C8A: variants seen among roughly 807,000 people sequenced by gnomAD.
The protein encoded by C8A is complement component C8 alpha chain.
Under a neutral mutation model 65.3 loss-of-function variants are expected in C8A, and 67 were observed. The ratio of observed to expected loss-of-function variants is 1.03; its 90% CI spans 0.84 to 1.26. C8A has a LOEUF of 1.26. Among genes scored for constraint, C8A ranks in the 50% most tolerant of loss-of-function variants. C8A has a pLI of 0.00. For synonymous variants in C8A, 290 were observed against 259.4 expected (o/e 1.12, Z -1.13); for missense variants, 781 against 723.9 (o/e 1.08, Z -0.90).
At chr1:56,894,429 T>C (rs893330360) in intron 7 of C8A, among the ~76,000 whole-genome samples, 16 of 152,176 alleles carry the variant, frequency 1.1e-4, no homozygotes, top group African/African-American at 3.9e-4. Flanking sequence ...TTAACAACTC[T>C]GCTCAAATCA....
Position 56,857,794 on chromosome 1 carries a change from T to C in C8A, c.77+2816T>C, listed in dbSNP as rs537808164. On this transcript the variant is annotated intron_variant, in intron 1 of 10. Transcript: ENST00000361249. ...TCTGTGGGTTATAGTTTTCATCAAA[T>C]TTGAAAATTTTTGCCATGATTCATT... Among the ~76,000 whole-genome samples the C allele has an allele frequency of 3.9e-5, 6 of 152,128 alleles. 1 individual carries two copies. The South Asian group carries it at 1.2e-3, about 32-fold the overall frequency.
intron 10 of C8A, 24 bp from the exon 11 acceptor site, chr1:56,917,541 C>G (rs769264846): frequency 6.2e-7 from 1 of 1,613,870 alleles, no homozygotes; most frequent in African/African-American, 1.3e-5. Context: ...TAACCTTCTC[C>G]TCCCTGGGAA....
rs76498303 is a variant in C8A, at chr1:56,901,288, T to A, written c.1097-5379T>A. Among the ~76,000 whole-genome samples, 411 of 152,230 alleles carry A rather than the reference T, an allele frequency of 2.7e-3. 4 individuals carry two copies. Among genetic ancestry groups the A allele is most frequent in the African/African-American group, 9.6e-3 (397 of 41,550 alleles). On this transcript the variant is annotated intron_variant, in intron 7 of 10. Coordinates refer to ENST00000361249, the MANE Select transcript of C8A (RefSeq NM_000562.3). The stretch of plus-strand genomic sequence containing the variant: ...ATCACAGCAACATGAATGGTATTTG[T>A]TTTTTGCAAAGAGATAATGAACTAC...
Position 56,854,893 on chromosome 1 carries a change from C to T in C8A, c.-9C>T. 3.1e-6 allele frequency: 5 copies of T among 1,612,736 alleles called. No homozygotes were observed. The highest frequency in any genetic ancestry group is 4.2e-6 in the Non-Finnish European group (5 of 1,179,334). On this transcript the variant is annotated 5_prime_UTR_variant, in exon 1 of 11. Coordinates refer to ENST00000361249, the MANE Select transcript of C8A (RefSeq NM_000562.3). The stretch of plus-strand genomic sequence containing the variant: ...TCAAGGTAATATAGTGCGGTGGCTT[C>T]TGGCTGAGATGTTTGCTGTTGTTTT...
In C8A at chr1:56,906,489, AT is replaced by A. The variant is rs570693776; in HGVS notation, c.1097-174del. Among the ~76,000 whole-genome samples, 913 of 152,330 alleles carry A rather than the reference AT, an allele frequency of 6.0e-3. 5 individuals carry two copies. Among genetic ancestry groups the A allele is most frequent in the Non-Finnish European group, 9.7e-3 (660 of 68,022 alleles). On this transcript the variant is annotated intron_variant, in intron 7 of 10. Transcript: ENST00000361249. ...CATATCTCTTCTCATTTCAAGAATT[AT>A]TTTGGTTGGAACCATGCAGAAGAGA... is the stretch of plus-strand genomic sequence containing the variant.
At chr1:56,866,200 T>C (rs1449106295) in intron 1 of C8A, among the ~76,000 whole-genome samples, 1 of 152,174 alleles carries the variant, frequency 6.6e-6, no homozygotes, top group Non-Finnish European at 1.5e-5. Context: ...TAGCAACAGA[T>C]TGGATGAAGA....
intron 8 of C8A, among the ~76,000 whole-genome samples, chr1:56,907,485 G>A (rs924850128): frequency 4.6e-5 from 7 of 152,162 alleles, no homozygotes; most frequent in Non-Finnish European, 5.9e-5. Context: ...AACCTTTGTA[G>A]ACAACTCACC....
chr1:56,888,586 A>C (rs1415221919), intron 7 of C8A, among the ~76,000 whole-genome samples: 1 of 152,236 alleles, frequency 6.6e-6, no homozygotes, highest in Non-Finnish European at 1.5e-5. Flanking sequence ...TTATTACTTC[A>C]ATAAATCTTT....
At chr1:56,891,362 A>C (rs565627109) in intron 7 of C8A, among the ~76,000 whole-genome samples, 61 of 152,264 alleles carry the variant, frequency 4.0e-4, no homozygotes, top group African/African-American at 1.3e-3. Flanking sequence ...AGAAGCCAAG[A>C]GGTGTCAGAG....
intron 1 of C8A, among the ~76,000 whole-genome samples, chr1:56,865,942 A>C (rs1441345833): frequency 6.6e-6 from 1 of 152,240 alleles, no homozygotes; most frequent in African/African-American, 2.4e-5. Context: ...GTATATGGGC[A>C]CAAGATCCAT....
rs143256214 is a variant in C8A, at chr1:56,912,446, C to G, written c.1424C>G (p.Pro475Arg). 4.7e-4 allele frequency: 759 copies of G among 1,614,216 alleles called. 5 individuals are homozygous for G. In the African/African-American group the frequency reaches 8.5e-3, roughly 18 times the overall value. The change falls in exon 10 of 11, where the codon CCT (proline) becomes CGT (arginine). Residue 475 changes from proline to arginine, a missense_variant. By Grantham distance (103) the Pro-to-Arg change is moderately radical. Transcript: ENST00000361249. Reference protein sequence around the residue: ...HEVLRHTSLGPLEAKRQNLRR... With the variant: ...HEVLRHTSLGRLEAKRQNLRR... ...GTGCTGCGGCACACAAGCCTGGGGC[C>G]TCTGGAGGCCAAGCGCCAGAACCTG...
chr1:56,855,162 C>T (rs1643961323), intron 1 of C8A, among the ~76,000 whole-genome samples, 184 bp downstream of exon 1: 2 of 152,162 alleles, frequency 1.3e-5, no homozygotes, highest in South Asian at 2.1e-4. Context: ...TCAAATTGGT[C>T]TATGTGTAAA....
rs778721067 is a variant in C8A, at chr1:56,867,655, A to C, written c.124A>C (p.Ser42Arg). 1 of 1,613,970 alleles carries C rather than the reference A, an allele frequency of 6.2e-7. No homozygotes were observed. The highest frequency in any genetic ancestry group is 1.7e-5 in the Admixed American group (1 of 59,956). ...ACCCGCAGCAGTTACCTGCCAGCTG[A>C]GCAACTGGTCAGAGTGGACAGATTG... ...ATPAAVTCQLSNWSEWTDCFP... is the reference protein window; with the variant it reads ...ATPAAVTCQLRNWSEWTDCFP... The change falls in exon 2 of 11, where the codon AGC (serine) becomes CGC (arginine). Residue 42 changes from serine (S) to arginine (R), a missense_variant. Coordinates refer to ENST00000361249, the MANE Select transcript of C8A (RefSeq NM_000562.3).
At chr1:56,876,614 C>A (rs930130228) in intron 4 of C8A, among the ~76,000 whole-genome samples, 7 of 151,918 alleles carry the variant, frequency 4.6e-5, no homozygotes, top group African/African-American at 1.7e-4. Context: ...CTTGCAATAA[C>A]CAGGGCTAAT....
chr1:56,885,742 G>A (rs1049423801), intron 6 of C8A, among the ~76,000 whole-genome samples, 185 bp from the exon 7 acceptor site: 2 of 151,412 alleles, frequency 1.3e-5, no homozygotes, highest in Non-Finnish European at 2.9e-5. Flanking sequence ...AGTAGAGACG[G>A]GGTTTCACCA....
intron 7 of C8A, among the ~76,000 whole-genome samples, chr1:56,898,347 G>A (rs17114537): frequency 6.6e-6 from 1 of 152,050 alleles, no homozygotes; most frequent in African/African-American, 2.4e-5. Flanking sequence ...GAGAGCCTCT[G>A]CGTCTGGAAA....
intron 7 of C8A, among the ~76,000 whole-genome samples, chr1:56,888,838 T>G (rs568715118): frequency 6.6e-6 from 1 of 152,276 alleles, no homozygotes; most frequent in East Asian, 1.9e-4. Flanking sequence ...CATTTAGAGA[T>G]CGGTGTTGTC....
At chr1:56,870,073 T>C (rs1644128933) in intron 2 of C8A, among the ~76,000 whole-genome samples, 1 of 152,158 alleles carries the variant, frequency 6.6e-6, no homozygotes, top group African/African-American at 2.4e-5. Flanking sequence ...TTTAAATGTG[T>C]CTGATCCCTA....
chr1:56,893,254 C>T (rs950897205), intron 7 of C8A, among the ~76,000 whole-genome samples: 6 of 152,038 alleles, frequency 3.9e-5, no homozygotes, highest in Non-Finnish European at 1.5e-5. Flanking sequence ...CACTGTGATA[C>T]CTTAAATACT....
Sources: allele counts gnomAD v4.1 joint callset (sites outside exome capture counted in the v4.1 genomes callset), GRCh38; gene constraint gnomAD v4.1.1; transcripts MANE v1.5; gene names NCBI Gene and HGNC (gene_info 2026-07-23, HGNC 2026-07-21).